The following LINC00632 variants were observed in gnomAD, a reference collection of about 807,000 sequenced individuals.
LINC00632 encodes ALDOA related specific transcript.
chrX:140,773,743 G>A (rs1014876049), exon 4 of LINC00632, among the ~76,000 whole-genome samples: 4 of 112,018 alleles, frequency 3.6e-5, no homozygotes, highest in Admixed American at 9.5e-5. Context: ...TGCTCCTTGT[G>A]TTCAAGTCAT....
At chrX:140,745,520 C>T (rs1931313152) in intron 3 of LINC00632, among the ~76,000 whole-genome samples, 1 of 111,332 alleles carries the variant, frequency 9.0e-6, no homozygotes, top group African/African-American at 3.3e-5. Flanking sequence ...ACCATTCATT[C>T]CCTAAGCTGA....
chrX:140,776,505 C>A (rs1343145284), exon 5 of LINC00632, among the ~76,000 whole-genome samples: 1 of 113,038 alleles, frequency 8.8e-6, no homozygotes, highest in Admixed American at 9.3e-5. Flanking sequence ...TCCTTCCTTC[C>A]TCCCGCCACC....
intron 2 of LINC00632, among the ~76,000 whole-genome samples, chrX:140,728,928 G>A (rs1033921359): frequency 4.5e-5 from 5 of 110,677 alleles, no homozygotes; most frequent in African/African-American, 1.6e-4. Context: ...ACATAAAAAT[G>A]TACGTGACAA....
rs199865205 is a variant in LINC00632 at position 140,736,001 on chromosome X, T to C, written n.191+2037T>C. On this transcript the variant is annotated intron_variant and non_coding_transcript_variant, in intron 3 of 4. Transcript: ENST00000648200. ...ATAATCAACAAAATCAGATTTACTT[T>C]CAGAAAAAGTGTCTGACTTCATTTT... 2.3e-4 allele frequency among the ~76,000 whole-genome samples: 26 copies of C among 111,848 alleles called. 1 individual carries two copies. The East Asian group carries it at 7.2e-3, about 31-fold the overall frequency.
At chrX:140,781,135 G>C in exon 5 of LINC00632, among the ~76,000 whole-genome samples, 1 of 110,991 alleles carries the variant, frequency 9.0e-6, no homozygotes, top group Non-Finnish European at 1.9e-5. Context: ...GTATGCCAGT[G>C]TTCTCTTTCA....
chrX:140,749,159 T>C (rs1353791889), intron 3 of LINC00632, among the ~76,000 whole-genome samples: 3 of 110,895 alleles, frequency 2.7e-5, no homozygotes, highest in African/African-American at 9.8e-5. Context: ...TCTAGCTTTT[T>C]CTTACAACTG....
chrX:140,779,247 G>A (rs763911610), exon 5 of LINC00632, among the ~76,000 whole-genome samples: 1 of 107,273 alleles, frequency 9.3e-6, no homozygotes, highest in Non-Finnish European at 2.0e-5. Flanking sequence ...TAACCACTGT[G>A]GCAAAAAGAA....
chrX:140,720,101 A>C (rs1028330411), intron 2 of LINC00632, among the ~76,000 whole-genome samples: 7 of 109,375 alleles, frequency 6.4e-5, no homozygotes, highest in East Asian at 2.9e-4. Flanking sequence ...AAAAAAAAAA[A>C]AACTCATATC....
At chrX:140,754,160 G>C (rs1401418479) in intron 3 of LINC00632, among the ~76,000 whole-genome samples, 1 of 111,348 alleles carries the variant, frequency 9.0e-6, no homozygotes. Context: ...AACCTCCCAA[G>C]GTTGAAACCA....
chrX:140,730,710 C>T (rs1364429496), intron 2 of LINC00632, among the ~76,000 whole-genome samples: 1 of 111,508 alleles, frequency 9.0e-6, no homozygotes, highest in African/African-American at 3.3e-5. Context: ...ACACAATACT[C>T]GGAAGGCCTT....
chrX:140,759,421 A>G (rs776574259), intron 3 of LINC00632, among the ~76,000 whole-genome samples: 5 of 107,601 alleles, frequency 4.6e-5, no homozygotes, highest in Non-Finnish European at 9.6e-5. Flanking sequence ...CAGTGGCTCA[A>G]TCATAGCTCA....
intron 2 of LINC00632, among the ~76,000 whole-genome samples, chrX:140,733,227 C>T (rs772268773): frequency 2.5e-4 from 28 of 112,783 alleles, no homozygotes; most frequent in African/African-American, 8.7e-4. Flanking sequence ...CTCACAAACC[C>T]ACGTGCACAT....
intron 2 of LINC00632, among the ~76,000 whole-genome samples, chrX:140,729,386 A>T (rs2148384437): frequency 9.0e-6 from 1 of 111,077 alleles, no homozygotes; most frequent in African/African-American, 3.3e-5. Context: ...AGAAAAAAAA[A>T]CAAACCACAA....
intron 1 of LINC00632, among the ~76,000 whole-genome samples, chrX:140,711,206 TATC>T (rs1247307409): frequency 2.7e-5 from 3 of 111,570 alleles, no homozygotes; most frequent in Non-Finnish European, 5.6e-5. Flanking sequence ...ATTATAAAAA[TATC>T]ATAGTCATTG....
At chrX:140,710,274 G>C (rs1274304596) in intron 1 of LINC00632, among the ~76,000 whole-genome samples, 1 of 111,911 alleles carries the variant, frequency 8.9e-6, no homozygotes, top group Non-Finnish European at 1.9e-5. Context: ...TTTAAATTAA[G>C]AAAGTCGTGT....
chrX:140,763,564 A>T (rs2148397711), intron 3 of LINC00632, among the ~76,000 whole-genome samples: 1 of 111,390 alleles, frequency 9.0e-6, no homozygotes, highest in South Asian at 3.8e-4. Flanking sequence ...CTAAATTGCT[A>T]AGTCTGATAT....
chrX:140,724,352 G>C (rs756104122), intron 2 of LINC00632, among the ~76,000 whole-genome samples: 4 of 8,291 alleles, frequency 4.8e-4, no homozygotes, highest in African/African-American at 1.6e-3. Flanking sequence ...CACATACACA[G>C]ACATGCATTC....
chrX:140,758,574 C>T (rs1477367418), intron 3 of LINC00632, among the ~76,000 whole-genome samples: 8 of 111,017 alleles, frequency 7.2e-5, no homozygotes, highest in Non-Finnish European at 1.5e-4. Flanking sequence ...GACAGGGTTT[C>T]GCCGTGTTGG....
chrX:140,725,012 TCATACACACACACATTC>T (rs1415283762), intron 2 of LINC00632, among the ~76,000 whole-genome samples: 39 of 1,896 alleles, frequency 0.021, no homozygotes, highest in Non-Finnish European at 0.033. Flanking sequence ...ACACACACAT[TCATACACACACACATTC>T]CATACACACA....
Sources: gnomAD v4.1 joint callset for allele counts (sites outside exome capture counted in the v4.1 genomes callset) on GRCh38, gnomAD v4.1.1 for gene constraint, MANE v1.5 for transcripts, NCBI Gene and HGNC (gene_info 2026-07-23, HGNC 2026-07-21) for gene names.